ATL2: variants seen among roughly 807,000 people sequenced by gnomAD.
ATL2 encodes the protein atlastin GTPase 2, also known as atlastin-2.
ATL2 carries 31 observed loss-of-function variants against 73.9 expected under a neutral mutation model. That is an observed-to-expected ratio of 0.42 (90% CI 0.32 to 0.57). The LOEUF (loss-of-function observed/expected upper bound fraction) is 0.57, where lower values mean the gene tolerates loss of function less well. Ranked by LOEUF, ATL2 falls within the 20% of genes least tolerant of loss-of-function variation. ATL2 has a pLI of 0.14. For synonymous variants in ATL2, 291 were observed against 237.5 expected (o/e 1.23, Z -2.07); for missense variants, 738 against 702.6 (o/e 1.05, Z -0.57).
chr2:38,326,887 C>G (rs1043484160), intron 2 of ATL2, among the ~76,000 whole-genome samples: 1 of 152,044 alleles, frequency 6.6e-6, no homozygotes, highest in Non-Finnish European at 1.5e-5. Context: ...ACTTGGGAGG[C>G]TGAGGCAGGA....
intron 1 of ATL2, among the ~76,000 whole-genome samples, chr2:38,367,844 G>A (rs191247587): frequency 2.0e-4 from 31 of 151,628 alleles, no homozygotes; most frequent in Admixed American, 2.0e-3. Context: ...TGTTGTCCGG[G>A]CTGGTCTCGA....
intron 1 of ATL2, among the ~76,000 whole-genome samples, chr2:38,357,918 C>T (rs1670772088): frequency 6.6e-6 from 1 of 151,998 alleles, no homozygotes; most frequent in African/African-American, 2.4e-5. Context: ...GAAAAACATA[C>T]AATTAAACCA....
intron 2 of ATL2, among the ~76,000 whole-genome samples, chr2:38,322,162 C>G (rs752175084): frequency 1.3e-5 from 2 of 151,154 alleles, no homozygotes; most frequent in Non-Finnish European, 2.9e-5. Flanking sequence ...TAAGTTCTGA[C>G]ATGGAGAATC....
chr2:38,303,841 ATGGATCC>A (rs543727217), intron 9 of ATL2, among the ~76,000 whole-genome samples: 2 of 152,172 alleles, frequency 1.3e-5, no homozygotes, highest in Non-Finnish European at 2.9e-5. Flanking sequence ...ACGGTAAAGA[ATGGATCC>A]TGGCTGGGCG....
chr2:38,374,808 T>C (rs1671870605), intron 1 of ATL2, among the ~76,000 whole-genome samples: 1 of 152,208 alleles, frequency 6.6e-6, no homozygotes, highest in Non-Finnish European at 1.5e-5. Context: ...TCTAACAATT[T>C]CAAGAAAGTT....
chr2:38,370,481 A>AAT (rs1671620194), intron 1 of ATL2, among the ~76,000 whole-genome samples: 1 of 127,834 alleles, frequency 7.8e-6, no homozygotes, highest in Admixed American at 8.0e-5. Context: ...AAAAAAAAAA[A>AAT]ATCAACCCAG....
chr2:38,328,214 C>T (rs1457224166), intron 2 of ATL2, among the ~76,000 whole-genome samples: 4 of 152,140 alleles, frequency 2.6e-5, no homozygotes, highest in Admixed American at 6.6e-5. Context: ...CAAAGAGTAA[C>T]AGACAAATCC....
chr2:38,345,240 C>T lies in ATL2; in HGVS notation c.119-1728G>A, dbSNP rs531382740. The stretch of plus-strand genomic sequence containing the variant: ...CGGTATCCACTGTTTTCAATGCAAT[C>T]AATGACTGTCCTACTCTGAGGAGAA... On this transcript the variant is annotated intron_variant, in intron 1 of 12. Transcript: ENST00000378954. 2.6e-5 allele frequency among the ~76,000 whole-genome samples: 4 copies of T among 152,308 alleles called. No homozygotes were observed. The South Asian group carries it at 8.3e-4, about 32-fold the overall frequency.
At chr2:38,297,904 G>A (rs1265364581) in intron 12 of ATL2, 4 of 392,354 alleles carry the variant, frequency 1.0e-5, no homozygotes, top group Non-Finnish European at 1.8e-5. Context: ...GATACAATCA[G>A]GCCTACAACT....
intron 9 of ATL2, among the ~76,000 whole-genome samples, chr2:38,306,327 T>C (rs917493169): frequency 6.6e-6 from 1 of 152,170 alleles, no homozygotes; most frequent in Non-Finnish European, 1.5e-5. Context: ...AAAGAACTAA[T>C]ACCAATCCTA....
At chr2:38,303,861 G>A (rs1267522135) in intron 9 of ATL2, among the ~76,000 whole-genome samples, 1 of 152,200 alleles carries the variant, frequency 6.6e-6, no homozygotes, top group African/African-American at 2.4e-5. Context: ...GCTGGGCGTG[G>A]TGGCTCATGC....
At position 38,310,437 on chromosome 2, in the gene ATL2, T is replaced by C. The variant is rs34873284; in HGVS notation, c.815A>G (p.Asn272Ser). 68,543 of 1,593,434 alleles carry C rather than the reference T, an allele frequency of 0.043. 1,839 individuals carry two copies. The highest frequency in any genetic ancestry group is 0.051 in the Non-Finnish European group (59,892 of 1,172,050). The change falls in exon 8 of 13, where the codon AAT (asparagine) becomes AGT (serine). Residue 272 changes from asparagine (N) to serine (S), a missense_variant. By Grantham distance (46) the Asn-to-Ser change is conservative. Transcript: ENST00000378954. ...FLEKRLQVKQ[N>S]QHEELQNVRK... ...TACATTCTGAAGCTCTTCATGTTGATTTTGTTTTACCTGAGGGCGGAGAGA... is the reference window on the plus strand; with the variant it reads ...TACATTCTGAAGCTCTTCATGTTGACTTTGTTTTACCTGAGGGCGGAGAGA...
At chr2:38,370,243 C>T (rs949163832) in intron 1 of ATL2, among the ~76,000 whole-genome samples, 2 of 145,972 alleles carry the variant, frequency 1.4e-5, no homozygotes, top group Non-Finnish European at 3.0e-5. Flanking sequence ...GTGGGTGGAT[C>T]ACCTGAGGTC....
At chr2:38,367,900 T>C (rs543383374) in intron 1 of ATL2, among the ~76,000 whole-genome samples, 21 of 151,620 alleles carry the variant, frequency 1.4e-4, no homozygotes, top group African/African-American at 4.8e-4. Flanking sequence ...CCTAAAGTGC[T>C]GGGATTACAA....
intron 1 of ATL2, among the ~76,000 whole-genome samples, chr2:38,364,798 A>G (rs1386706531): frequency 2.6e-5 from 4 of 152,304 alleles, no homozygotes; most frequent in African/African-American, 7.2e-5. Context: ...TAATCCCAGC[A>G]CTTTGGGAGG....
intron 9 of ATL2, among the ~76,000 whole-genome samples, chr2:38,307,140 C>T (rs1667491548): frequency 6.6e-6 from 1 of 152,042 alleles, no homozygotes; most frequent in Non-Finnish European, 1.5e-5. Context: ...GGCAGATCAC[C>T]TGAGATCAGG....
At position 38,298,358 on chromosome 2, in the gene ATL2, C is replaced by A. The variant is rs1214160684; in HGVS notation, c.1418G>T (p.Arg473Leu). The change falls in exon 12 of 13, where the codon CGT becomes CTT. Residue 473 changes from arginine (R) to leucine (L), a missense_variant. Coordinates refer to ENST00000378954, the MANE Select transcript of ATL2 (RefSeq NM_001135673.4). ...NDGKNIFYAA[R>L]TPATLFAVMF... The stretch of plus-strand genomic sequence containing the variant: ...GACCGCAAACAGTGTGGCTGGGGTA[C>A]GAGCAGCATAGAAGATATTTTTGCC... The A allele has an allele frequency of 6.2e-7, 1 of 1,614,108 alleles. No homozygotes were observed. The highest frequency in any genetic ancestry group is 8.5e-7 in the Non-Finnish European group (1 of 1,179,994).
At chr2:38,307,580 C>G (rs1667520687) in intron 9 of ATL2, among the ~76,000 whole-genome samples, 1 of 151,938 alleles carries the variant, frequency 6.6e-6, no homozygotes, top group Non-Finnish European at 1.5e-5. Flanking sequence ...CAGTAATACC[C>G]TACAAGCACA....
intron 9 of ATL2, among the ~76,000 whole-genome samples, chr2:38,305,480 T>A (rs561111289): frequency 6.6e-6 from 1 of 151,742 alleles, no homozygotes; most frequent in Non-Finnish European, 1.5e-5. Context: ...ACCTGGGAGG[T>A]AGAGGTTGCA....
Sources: gnomAD v4.1 joint callset for allele counts (sites outside exome capture counted in the v4.1 genomes callset) on GRCh38, gnomAD v4.1.1 for gene constraint, MANE v1.5 for transcripts, NCBI Gene and HGNC (gene_info 2026-07-23, HGNC 2026-07-21) for gene names.